SH3BGRL: variants seen among roughly 807,000 people sequenced by gnomAD.
SH3BGRL encodes SH3 domain binding glutamate rich protein like, also known as adapter SH3BGRL.
SH3BGRL carries 7 observed loss-of-function variants against 9.8 expected under a neutral mutation model. The observed-to-expected ratio is 0.72, with a 90% CI of 0.41 to 1.35. SH3BGRL has a LOEUF of 1.35. Ranked by LOEUF, SH3BGRL falls within the 40% of genes most tolerant of loss-of-function variation. The pLI, the probability that SH3BGRL is intolerant of heterozygous loss-of-function variation, is 0.01. For synonymous variants in SH3BGRL, 36 were observed against 29.1 expected (o/e 1.24, Z -0.76); for missense variants, 73 against 84.4 (o/e 0.86, Z 0.53).
chrX:81,246,887 A>C, intron 1 of SH3BGRL, among the ~76,000 whole-genome samples: 1 of 112,260 alleles, frequency 8.9e-6, no homozygotes, highest in East Asian at 2.8e-4. Context: ...TTGAATCTGT[A>C]GATTTCTTTA....
intron 1 of SH3BGRL, among the ~76,000 whole-genome samples, chrX:81,246,191 T>C (rs1395600296): frequency 8.9e-6 from 1 of 112,091 alleles, no homozygotes; most frequent in Non-Finnish European, 1.9e-5. Context: ...TTTGTTTAAG[T>C]TCCTTATAGA....
intron 1 of SH3BGRL, among the ~76,000 whole-genome samples, chrX:81,263,656 T>C (rs2075747635): frequency 1.8e-5 from 2 of 111,143 alleles, no homozygotes; most frequent in Non-Finnish European, 3.8e-5. Context: ...CTTTAGTCCC[T>C]TTATTGTTAC....
At chrX:81,283,311 C>A (rs185834062) in intron 3 of SH3BGRL, among the ~76,000 whole-genome samples, 9 of 111,721 alleles carry the variant, frequency 8.1e-5, no homozygotes, top group African/African-American at 2.9e-4. Flanking sequence ...CTCTCTAACT[C>A]ATTCTATGAA....
rs769379366 is a variant in SH3BGRL, at chrX:81,297,506, A to C, written c.*279A>C. 29 of 184,966 alleles carry C rather than the reference A, an allele frequency of 1.6e-4. No individual in the cohort carries two copies. In the East Asian group the frequency reaches 1.6e-3, roughly 10 times the overall value. The allele number at this position is 184,966 out of a possible 1,213,427, so 15.2% of individuals were successfully genotyped here. ...CCAAGCCATCCTGTATACACCAATG[A>C]TTTTACAAAGAAAACACCCTTCCCT... On this transcript the variant is annotated 3_prime_UTR_variant, in exon 4 of 4. Coordinates refer to ENST00000373212, the MANE Select transcript of SH3BGRL (RefSeq NM_003022.3).
At chrX:81,270,554 G>C (rs958693674) in intron 1 of SH3BGRL, among the ~76,000 whole-genome samples, 1 of 112,016 alleles carries the variant, frequency 8.9e-6, no homozygotes, top group East Asian at 2.8e-4. Context: ...CACCAGTGGA[G>C]GCTGCAGAAC....
intron 1 of SH3BGRL, among the ~76,000 whole-genome samples, chrX:81,276,760 A>G (rs945432369): frequency 9.0e-6 from 1 of 111,051 alleles, no homozygotes; most frequent in East Asian, 2.8e-4. Flanking sequence ...AAAATTTTCA[A>G]TGGAAAAAAA....
At chrX:81,275,865 A>G (rs2039717) in intron 1 of SH3BGRL, among the ~76,000 whole-genome samples, 21,107 of 111,338 alleles carry the variant, frequency 0.19, 1,765 homozygotes, top group East Asian at 0.7. Context: ...CGAGCAACTT[A>G]GAAAGACAAA....
intron 3 of SH3BGRL, among the ~76,000 whole-genome samples, chrX:81,286,254 G>A (rs2075833526): frequency 9.1e-6 from 1 of 110,012 alleles, no homozygotes; most frequent in Admixed American, 9.8e-5. Context: ...TGTGCAGAAA[G>A]GAAAACGACT....
intron 1 of SH3BGRL, among the ~76,000 whole-genome samples, chrX:81,213,874 G>A (rs757855079): frequency 1.8e-5 from 2 of 112,113 alleles, no homozygotes; most frequent in Non-Finnish European, 3.8e-5. Flanking sequence ...AGATGGAAAC[G>A]TGTGACTAGA....
Position 81,224,178 on chromosome X carries a change from A to G in SH3BGRL, c.45+21933A>G, listed in dbSNP as rs192066322. ...ATTATACTGCTTGTTGTTGTAGAAG[A>G]AATATCACTGTTTTAGAACTCTATA... On this transcript the variant is annotated intron_variant, in intron 1 of 3. Coordinates refer to ENST00000373212, the MANE Select transcript of SH3BGRL (RefSeq NM_003022.3). 2.5e-3 allele frequency among the ~76,000 whole-genome samples: 281 copies of G among 112,186 alleles called. 1 individual carries two copies. Among genetic ancestry groups the G allele is most frequent in the African/African-American group, 8.6e-3 (267 of 30,893 alleles).
chrX:81,281,585 G>A lies in SH3BGRL; in HGVS notation c.312+3174G>A, dbSNP rs192148928. 4.5e-5 allele frequency among the ~76,000 whole-genome samples: 5 copies of A among 112,171 alleles called. 1 individual carries two copies. In the East Asian group the frequency reaches 1.4e-3, roughly 31 times the overall value. ...AGTGAAATTAAGCATCATATATGAA[G>A]GAAAGATTCAGCTCTTTTCAGACAA... On this transcript the variant is annotated intron_variant, in intron 3 of 3. Transcript: ENST00000373212.
intron 1 of SH3BGRL, among the ~76,000 whole-genome samples, chrX:81,259,939 T>C (rs1040515462): frequency 2.7e-5 from 3 of 111,766 alleles, no homozygotes; most frequent in Admixed American, 1.9e-4. Flanking sequence ...AAACTTTTTC[T>C]TACGAAATCT....
At chrX:81,256,510 A>G (rs909072211) in intron 1 of SH3BGRL, among the ~76,000 whole-genome samples, 5 of 111,667 alleles carry the variant, frequency 4.5e-5, no homozygotes, top group Non-Finnish European at 7.5e-5. Context: ...TTTTGCTGTA[A>G]TTCAATAAAT....
intron 1 of SH3BGRL, among the ~76,000 whole-genome samples, chrX:81,266,804 C>T (rs899485373): frequency 8.9e-5 from 10 of 112,049 alleles, no homozygotes; most frequent in African/African-American, 3.2e-4. Context: ...GGCAGTGAGG[C>T]CATTTTAACG....
chrX:81,229,967 C>T (rs1316234659), intron 1 of SH3BGRL, among the ~76,000 whole-genome samples: 1 of 111,809 alleles, frequency 8.9e-6, no homozygotes, highest in Non-Finnish European at 1.9e-5. Flanking sequence ...TGTATCAATT[C>T]TAGGCATATG....
intron 1 of SH3BGRL, among the ~76,000 whole-genome samples, chrX:81,227,733 C>G (rs935057488): frequency 1.8e-5 from 2 of 111,788 alleles, no homozygotes; most frequent in African/African-American, 6.5e-5. Flanking sequence ...ATAATTTTAT[C>G]TATTTTTATT....
chrX:81,280,947 T>A (rs1011276545), intron 3 of SH3BGRL, among the ~76,000 whole-genome samples: 3 of 110,936 alleles, frequency 2.7e-5, no homozygotes, highest in African/African-American at 9.8e-5. Context: ...GGGAGAAATA[T>A]TCAATGAAAT....
intron 1 of SH3BGRL, among the ~76,000 whole-genome samples, chrX:81,250,714 G>T (rs1377950723): frequency 8.9e-6 from 1 of 111,959 alleles, no homozygotes; most frequent in Non-Finnish European, 1.9e-5. Context: ...GCACCCATAG[G>T]TGCAATAAAA....
intron 1 of SH3BGRL, among the ~76,000 whole-genome samples, chrX:81,208,186 C>G (rs773887022): frequency 9.0e-6 from 1 of 110,625 alleles, no homozygotes; most frequent in Non-Finnish European, 1.9e-5. Flanking sequence ...GGCCTGAACC[C>G]GGAAGGCAGA....
Sources: allele counts gnomAD v4.1 joint callset (sites outside exome capture counted in the v4.1 genomes callset), GRCh38; gene constraint gnomAD v4.1.1; transcripts MANE v1.5; gene names NCBI Gene and HGNC (gene_info 2026-07-23, HGNC 2026-07-21).